ANKRD33B: variants seen among roughly 807,000 people sequenced by gnomAD.
ANKRD33B encodes ankyrin repeat domain 33B.
Under a neutral mutation model 21.5 loss-of-function variants are expected in ANKRD33B, and 6 were observed. The ratio of observed to expected loss-of-function variants is 0.28; its 90% CI spans 0.15 to 0.55. The LOEUF is 0.55. Ranked by LOEUF, ANKRD33B falls within the 20% of genes least tolerant of loss-of-function variation. ANKRD33B has a pLI of 0.94. For synonymous variants in ANKRD33B, 347 were observed against 342.4 expected, an observed-to-expected ratio of 1.01 and a Z score of -0.15; for missense variants, 698 against 747.2, an observed-to-expected ratio of 0.93 and a Z score of 0.77.
rs904260580 is a variant in ANKRD33B at position 10,573,753 on chromosome 5, A to G, written c.366+8920A>G. Reference sequence around the variant, plus strand: ...ATTAAAACCATCAGATCTTGTGAGAACTCACTATCATGAGAACAGCAAGGG... The same window carrying G: ...ATTAAAACCATCAGATCTTGTGAGAGCTCACTATCATGAGAACAGCAAGGG... On this transcript the variant is annotated intron_variant, in intron 1 of 3. Transcript: ENST00000296657. Among the ~76,000 whole-genome samples the G allele has an allele frequency of 3.3e-5, 5 of 152,122 alleles. No homozygotes were observed. In the East Asian group the frequency reaches 9.6e-4, roughly 29 times the overall value.
chr5:10,601,591 G>C (rs1446052759), intron 1 of ANKRD33B, among the ~76,000 whole-genome samples: 2 of 152,180 alleles, frequency 1.3e-5, no homozygotes, highest in African/African-American at 4.8e-5. Flanking sequence ...CTGAGGGGAG[G>C]GAGTCGCATT....
chr5:10,609,132 TA>T (rs372941428), intron 1 of ANKRD33B, among the ~76,000 whole-genome samples: 12 of 152,350 alleles, frequency 7.9e-5, no homozygotes, highest in African/African-American at 2.9e-4. Context: ...CCAAAAAAGG[TA>T]AAATAGCTCA....
intron 1 of ANKRD33B, among the ~76,000 whole-genome samples, chr5:10,596,858 A>T (rs967771315): frequency 6.6e-6 from 1 of 152,066 alleles, no homozygotes; most frequent in African/African-American, 2.4e-5. Context: ...CTCAGCAGAA[A>T]CCCCACAAGC....
chr5:10,615,865 C>T (rs1280274232), intron 1 of ANKRD33B, among the ~76,000 whole-genome samples: 6 of 152,172 alleles, frequency 3.9e-5, no homozygotes, highest in Non-Finnish European at 7.3e-5. Context: ...TATGCGAAAG[C>T]AGGTGGGTAG....
At chr5:10,585,863 T>A (rs113967596) in intron 1 of ANKRD33B, among the ~76,000 whole-genome samples, 133 of 152,302 alleles carry the variant, frequency 8.7e-4, no homozygotes, top group African/African-American at 3.0e-3. Context: ...GGGCCCCTCC[T>A]CTCTGTCCTC....
At chr5:10,647,035 C>G (rs555906512) in intron 3 of ANKRD33B, among the ~76,000 whole-genome samples, 239 of 152,316 alleles carry the variant, frequency 1.6e-3, no homozygotes, top group Middle Eastern at 3.4e-3. Context: ...AGCTCACAGA[C>G]TAGATAATTG....
At position 10,650,164 on chromosome 5, in the gene ANKRD33B, CA is replaced by C; in HGVS notation, c.*52del. 1 of 1,403,082 alleles carries C rather than the reference CA, an allele frequency of 7.1e-7. No homozygotes were observed. The highest frequency in any genetic ancestry group is 1.5e-5 in the South Asian group (1 of 65,750). 86.9% of individuals were successfully genotyped at this position (1,403,082 alleles called of 1,614,324 possible). On this transcript the variant is annotated 3_prime_UTR_variant, in exon 4 of 4. Coordinates refer to ENST00000296657, the MANE Select transcript of ANKRD33B (RefSeq NM_001164440.2). ...CGGGGCTGGGGCCGGGGCGGGGCCG[CA>C]GGGCTGGGCGCGGAGAAGGAGGCGG...
At chr5:10,637,060 C>T (rs1736883548) in intron 2 of ANKRD33B, among the ~76,000 whole-genome samples, 1 of 152,310 alleles carries the variant, frequency 6.6e-6, no homozygotes, top group African/African-American at 2.4e-5. Flanking sequence ...AAGGCTGGGA[C>T]GGACCCTGCT....
intron 2 of ANKRD33B, chr5:10,624,837 T>C (rs1456100056): frequency 2.2e-6 from 1 of 456,628 alleles, no homozygotes; most frequent in Admixed American, 2.3e-5. Flanking sequence ...ACAGATCTGG[T>C]GGAAACACAG....
At chr5:10,617,444 A>G (rs890471933) in intron 1 of ANKRD33B, among the ~76,000 whole-genome samples, 5 of 152,070 alleles carry the variant, frequency 3.3e-5, no homozygotes, top group African/African-American at 9.7e-5. Flanking sequence ...CTCTTTTTCT[A>G]TTCAACCTCA....
rs5865898 is a variant in ANKRD33B, at chr5:10,602,815, A to ATT, written c.367-15504_367-15503dup. ...ATTTGCTTTCCATTGATTGCTTGTCATTTTTTTTTTTTTTTGAGACAGTGT... is the reference window on the plus strand; with the variant it reads ...ATTTGCTTTCCATTGATTGCTTGTCATTTTTTTTTTTTTTTTTGAGACAGTGT... On this transcript the variant is annotated intron_variant, in intron 1 of 3. Coordinates refer to ENST00000296657, the MANE Select transcript of ANKRD33B (RefSeq NM_001164440.2). Among the ~76,000 whole-genome samples the ATT allele has an allele frequency of 2.2e-3, 322 of 143,820 alleles. 2 individuals carry two copies. The highest frequency in any genetic ancestry group is 4.9e-3 in the African/African-American group (189 of 38,686). 94.4% of individuals were successfully genotyped at this position (143,820 alleles called of 152,430 possible).
At chr5:10,630,870 C>CAAA (rs34531639) in intron 2 of ANKRD33B, among the ~76,000 whole-genome samples, 25,382 of 118,764 alleles carry the variant, frequency 0.21, 2,547 homozygotes, top group Middle Eastern at 0.36. Flanking sequence ...GAGACTGTGT[C>CAAA]AAAAAAAAAA....
In ANKRD33B at chr5:10,638,188, G is replaced by A. The variant is rs757667485; in HGVS notation, c.637+20G>A. ...TAGCAGGTATGTCCACCTGTCCTGT[G>A]CAGCTTCCAGGGGCCCTGGGACACC... On this transcript the variant is annotated intron_variant, in intron 3 of 3. Transcript: ENST00000296657. The A allele has an allele frequency of 6.5e-7, 1 of 1,535,768 alleles. No homozygotes were observed. Among genetic ancestry groups the A allele is most frequent in the Admixed American group, 2.0e-5 (1 of 50,828 alleles).
At chr5:10,624,130 C>CTTTTTTT (rs60575071) in intron 2 of ANKRD33B, among the ~76,000 whole-genome samples, 2 of 134,314 alleles carry the variant, frequency 1.5e-5, no homozygotes, top group African/African-American at 2.8e-5. Flanking sequence ...TCTTTCTTTT[C>CTTTTTTT]TTTTTTTTTT....
At chr5:10,643,826 A>G (rs1422573270) in intron 3 of ANKRD33B, among the ~76,000 whole-genome samples, 2 of 151,132 alleles carry the variant, frequency 1.3e-5, no homozygotes, top group Non-Finnish European at 3.0e-5. Flanking sequence ...TCTCAAAAAA[A>G]AAAAAAAAAA....
chr5:10,604,503 C>A (rs1314452113), intron 1 of ANKRD33B, among the ~76,000 whole-genome samples: 7 of 146,912 alleles, frequency 4.8e-5, no homozygotes, highest in Admixed American at 4.1e-4. Context: ...AAAAGGAGAA[C>A]CTTTTTGAAA....
intron 1 of ANKRD33B, among the ~76,000 whole-genome samples, chr5:10,615,224 G>C (rs555837344): frequency 2.0e-5 from 3 of 152,338 alleles, no homozygotes; most frequent in African/African-American, 7.2e-5. Context: ...GGCAAAGGCA[G>C]ATGCCATCTG....
At chr5:10,645,369 G>C (rs900032909) in intron 3 of ANKRD33B, among the ~76,000 whole-genome samples, 1 of 152,214 alleles carries the variant, frequency 6.6e-6, no homozygotes, top group Non-Finnish European at 1.5e-5. Context: ...AGGGCTTCAC[G>C]CTCCACCCAC....
At position 10,649,826 on chromosome 5, in the gene ANKRD33B, G is replaced by T; in HGVS notation, c.1198G>T (p.Ala400Ser). 2.2e-6 allele frequency: 3 copies of T among 1,388,846 alleles called. No homozygotes were observed. In the South Asian group the frequency reaches 4.6e-5, roughly 21 times the overall value. 86.0% of individuals were successfully genotyped at this position (1,388,846 alleles called of 1,614,324 possible). The change falls in exon 4 of 4, where the codon GCC becomes TCC. Residue 400 changes from alanine (A) to serine (S), a missense_variant. This residue lies in a region of ANKRD33B where 543 missense variants were observed against 566.5 expected (regional missense o/e 0.96). Coordinates refer to ENST00000296657, the MANE Select transcript of ANKRD33B (RefSeq NM_001164440.2). ...GGGGTCCCGGGGCCCCGCAGCGCCC[G>T]CCCCGCGGAAGGCCAGCCTCCTGCC... ...ALGSRGPAAP[A>S]PRKASLLPLQ...
Sources: allele counts gnomAD v4.1 joint callset (sites outside exome capture counted in the v4.1 genomes callset), GRCh38; gene constraint gnomAD v4.1.1; regional missense constraint gnomAD v4.1.1; transcripts MANE v1.5; gene names NCBI Gene and HGNC (gene_info 2026-07-23, HGNC 2026-07-21).